THTPA: variants seen among roughly 807,000 people sequenced by gnomAD.
THTPA encodes thiamine-triphosphatase.
In THTPA, 16 loss-of-function variants were observed where a neutral mutation model predicts 16.5. That is an observed-to-expected ratio of 0.97 (90% CI 0.66 to 1.47). The LOEUF is 1.47. Among genes scored for constraint, THTPA ranks in the 40% most tolerant of loss-of-function variants. The pLI, the probability that THTPA is intolerant of heterozygous loss-of-function variation, is 0.00. For synonymous variants in THTPA, 110 were observed against 115.5 expected (o/e 0.95, Z 0.30); for missense variants, 281 against 280.9 (o/e 1.00, Z 0.00).
chr14:23,531,996 G>A, the THTPA span: 11 of 252,778 alleles, frequency 4.4e-5, no homozygotes, highest in South Asian at 1.7e-4. Context: ...GGCTGGTCTC[G>A]AACTCCTGAC....
the THTPA span, chr14:23,521,922 G>A: frequency 6.5e-7 from 1 of 1,534,166 alleles, no homozygotes; most frequent in East Asian, 2.4e-5. Flanking sequence ...AAAAGAGGGA[G>A]CCCTGAGGCC....
chr14:23,524,193 A>C, the THTPA span: 3 of 1,536,120 alleles, frequency 2.0e-6, no homozygotes, highest in Non-Finnish European at 2.6e-6. The surrounding 1 kb of genome is among the most constrained non-coding windows in gnomAD (Gnocchi z 5.6). Context: ...GTGCTTCGAA[A>C]CTGGCCTTTC....
the THTPA span, chr14:23,525,019 C>G: frequency 6.5e-7 from 1 of 1,536,202 alleles, no homozygotes; most frequent in Non-Finnish European, 8.7e-7. The surrounding 1 kb of genome is among the most constrained non-coding windows in gnomAD (Gnocchi z 5.9). Context: ...TCTGGAACCA[C>G]ACCACCACCA....
the THTPA span, chr14:23,535,224 A>G: frequency 6.6e-7 from 1 of 1,525,588 alleles, no homozygotes; most frequent in Non-Finnish European, 8.8e-7. This position sits in a 1 kb window ranked among gnomAD's most constrained non-coding sequence, Gnocchi z 4.5. Context: ...TGACAGGATC[A>G]GAGGGGGTGC....
chr14:23,521,874 G>T, the THTPA span: 4 of 1,505,462 alleles, frequency 2.7e-6, no homozygotes, highest in Non-Finnish European at 2.6e-6. Context: ...AGGGGGTGGG[G>T]TGAGGGATTT....
chr14:23,558,026 A>C (rs985792109), intron 1 of THTPA, among the ~76,000 whole-genome samples: 2 of 152,272 alleles, frequency 1.3e-5, no homozygotes, highest in Admixed American at 6.5e-5. Context: ...GTTCCTAAGC[A>C]TAATTCCCTT....
chr14:23,526,700 T>A, the THTPA span: 6 of 1,535,752 alleles, frequency 3.9e-6, no homozygotes, highest in Non-Finnish European at 5.2e-6. Flanking sequence ...GAGAAGAAAG[T>A]ACAATGAGGA....
chr14:23,553,009 A>G (rs994296068), upstream of THTPA, among the ~76,000 whole-genome samples: 5 of 152,228 alleles, frequency 3.3e-5, no homozygotes, highest in African/African-American at 9.6e-5. Context: ...AGCATGAGGT[A>G]GATGCTATTA....
At chr14:23,518,538 A>G in the THTPA span, among the ~76,000 whole-genome samples, 1 of 152,146 alleles carries the variant, frequency 6.6e-6, no homozygotes, top group Non-Finnish European at 1.5e-5. This position sits in a 1 kb window ranked among gnomAD's most constrained non-coding sequence, Gnocchi z 4.5. Flanking sequence ...CTAGTTGAGG[A>G]TTGGACACCT....
At chr14:23,526,609 G>C in the THTPA span, 1 of 1,535,784 alleles carries the variant, frequency 6.5e-7, no homozygotes, top group Non-Finnish European at 8.7e-7. Flanking sequence ...GTTTGTCTGG[G>C]ACCTCAACTG....
the THTPA span, chr14:23,527,743 G>C: frequency 6.5e-7 from 1 of 1,536,140 alleles, no homozygotes; most frequent in Admixed American, 2.0e-5. Flanking sequence ...CTGGGAGAGT[G>C]TATGAGCCCT....
At chr14:23,555,437 C>A (rs550295285), upstream of THTPA, among the ~76,000 whole-genome samples, 1 of 152,226 alleles carries the variant, frequency 6.6e-6, no homozygotes, top group Admixed American at 6.5e-5. Context: ...CTTCTCCTTA[C>A]GTACCACCCA....
the THTPA span, chr14:23,521,641 T>G: frequency 1.7e-5 from 5 of 294,168 alleles, no homozygotes; most frequent in African/African-American, 2.2e-5. Context: ...GAACCAAGGA[T>G]ATATTTTGTG....
At chr14:23,534,424 G>C in the THTPA span, 1 of 1,536,800 alleles carries the variant, frequency 6.5e-7, no homozygotes, top group Non-Finnish European at 8.7e-7. This position sits in a 1 kb window ranked among gnomAD's most constrained non-coding sequence, Gnocchi z 4.5. Flanking sequence ...TATGTCAGAA[G>C]AGGGGCGAGC....
At chr14:23,533,524 T>C in the THTPA span, 14 of 1,535,984 alleles carry the variant, frequency 9.1e-6, no homozygotes, top group East Asian at 3.4e-4. The surrounding 1 kb of genome is among the most constrained non-coding windows in gnomAD (Gnocchi z 4.8). Flanking sequence ...CAGCCCCTGG[T>C]GCAGCATTAG....
At chr14:23,535,884 G>A in the THTPA span, among the ~76,000 whole-genome samples, 4,590 of 152,196 alleles carry the variant, frequency 0.03, 256 homozygotes, top group African/African-American at 0.1. The surrounding 1 kb of genome is among the most constrained non-coding windows in gnomAD (Gnocchi z 4.5). Context: ...GAGCCACCGC[G>A]CCCAGCCTAG....
the THTPA span, chr14:23,531,595 C>T: frequency 3.9e-6 from 6 of 1,526,252 alleles, no homozygotes; most frequent in African/African-American, 4.1e-5. Flanking sequence ...GCCTGGGCAT[C>T]GCGGTGGGCA....
chr14:23,548,245 C>T, the THTPA span: 1 of 152,292 alleles, frequency 6.6e-6, no homozygotes, highest in East Asian at 1.9e-4. Flanking sequence ...AATGCCCTGT[C>T]TTAGGTTCCT....
upstream of THTPA, among the ~76,000 whole-genome samples, chr14:23,554,395 C>T (rs914815682): frequency 3.3e-5 from 5 of 152,038 alleles, no homozygotes; most frequent in African/African-American, 9.7e-5. Flanking sequence ...TTTATTTATG[C>T]ACAGGGTCTT....
Sources: allele counts gnomAD v4.1 joint callset (sites outside exome capture counted in the v4.1 genomes callset), GRCh38; gene constraint gnomAD v4.1.1; non-coding constraint Gnocchi (gnomAD v3.1); transcripts MANE v1.5; gene names NCBI Gene and HGNC (gene_info 2026-07-23, HGNC 2026-07-21).